The following ZC3H12C variants were observed in gnomAD, a reference collection of about 807,000 sequenced individuals.
ZC3H12C encodes the protein zinc finger CCCH-type containing 12C, also known as probable ribonuclease ZC3H12C.
A neutral mutation model predicts 76.3 loss-of-function variants in ZC3H12C; 20 were observed. That is an observed-to-expected ratio of 0.26 (90% confidence interval 0.18 to 0.38). The LOEUF (loss-of-function observed/expected upper bound fraction) is 0.38. Among genes scored for constraint, ZC3H12C ranks in the 10% least tolerant of loss-of-function variants. ZC3H12C has a pLI of 1.00. For synonymous variants in ZC3H12C, 352 were observed against 399.6 expected (o/e 0.88, Z 1.42); for missense variants, 874 against 1,086.5 (o/e 0.80, Z 2.75).
At position 110,164,348 on chromosome 11, in the gene ZC3H12C, G is replaced by A. The variant is rs1337483893; in HGVS notation, c.1263G>A (p.Lys421=). 6.2e-7 allele frequency: 1 copy of A among 1,607,808 alleles called. No individual in the cohort carries two copies. Among genetic ancestry groups the A allele is most frequent in the Non-Finnish European group, 8.5e-7 (1 of 1,177,238 alleles). ...TAATTTTACTCTTCTTAGGAAAGAA[G>A]TGTACCTATGGACACAAGTGCAAAT... ...HKKQPCPYGK[K]CTYGHKCKYY... is the part of the protein sequence containing the mutation. Residue 421 remains lysine (K), a synonymous_variant, in exon 6 of 6, where the codon AAG becomes AAA. Transcript: ENST00000278590. The surrounding 1 kb of genome is among the most constrained non-coding windows in gnomAD (Gnocchi z 5.7).
intron 2 of ZC3H12C, 50 bp downstream of exon 2, chr11:110,137,464 G>T (rs1315136670): frequency 1.3e-6 from 2 of 1,509,232 alleles, no homozygotes; most frequent in Non-Finnish European, 1.8e-6. Context: ...ATCTTTAAAA[G>T]CCTTATTTCT....
In ZC3H12C at chr11:110,134,894, T is replaced by G. The variant is rs554168890; in HGVS notation, c.22-1769T>G. Among the ~76,000 whole-genome samples, 12 of 152,344 alleles carry G rather than the reference T, an allele frequency of 7.9e-5. No homozygotes were observed. The South Asian group carries it at 2.3e-3, about 29-fold the overall frequency. On this transcript the variant is annotated intron_variant, in intron 1 of 5. Coordinates refer to ENST00000278590, the MANE Select transcript of ZC3H12C (RefSeq NM_033390.2). ...GTATTATCAAGCTGAAGATTCCATG[T>G]TCTCTTCTCTAGTATTTACCATAGT... is the stretch of plus-strand genomic sequence containing the variant.
intron 2 of ZC3H12C, among the ~76,000 whole-genome samples, chr11:110,150,712 A>G (rs752157728): frequency 3.9e-5 from 6 of 152,088 alleles, no homozygotes; most frequent in Non-Finnish European, 7.4e-5. Context: ...CCAGTTATCT[A>G]TATCCTTATT....
Position 110,171,025 on chromosome 11 carries a change from T to C in ZC3H12C, c.*5288T>C, listed in dbSNP as rs1247789144. On this transcript the variant is annotated 3_prime_UTR_variant, in exon 6 of 6. Coordinates refer to ENST00000278590, the MANE Select transcript of ZC3H12C (RefSeq NM_033390.2). ...CAGTAGAAAATGTGCATGTTTTAAC[T>C]TGGTTTTATAAAATCTGTAATGTTT... 2 of 152,250 alleles carry C rather than the reference T, an allele frequency of 1.3e-5. No homozygotes were observed. Among genetic ancestry groups the C allele is most frequent in the African/African-American group, 4.8e-5 (2 of 41,472 alleles). 9.4% of individuals were successfully genotyped at this position (152,250 alleles called of 1,614,324 possible). A position where few individuals can be genotyped will look rare whatever the true frequency, so the allele number is the denominator to read the frequency against.
At chr11:110,156,459 T>C (rs1862378754) in intron 3 of ZC3H12C, among the ~76,000 whole-genome samples, 1 of 152,180 alleles carries the variant, frequency 6.6e-6, no homozygotes, top group Non-Finnish European at 1.5e-5. Context: ...TCAGGATTAT[T>C]TATGTCATCC....
chr11:110,141,172 A>G (rs550090962), intron 2 of ZC3H12C, among the ~76,000 whole-genome samples: 2 of 152,318 alleles, frequency 1.3e-5, no homozygotes, highest in East Asian at 3.9e-4. Flanking sequence ...TAAAAAAAGC[A>G]CTGCAGGTAA....
chr11:110,134,590 C>A (rs1224148115), intron 1 of ZC3H12C, among the ~76,000 whole-genome samples: 1 of 152,072 alleles, frequency 6.6e-6, no homozygotes, highest in Non-Finnish European at 1.5e-5. Flanking sequence ...TTCCTTCCTT[C>A]AATTCTAAGT....
intron 1 of ZC3H12C, among the ~76,000 whole-genome samples, chr11:110,132,929 C>A (rs894461400): frequency 6.6e-6 from 1 of 152,010 alleles, no homozygotes; most frequent in Non-Finnish European, 1.5e-5. Context: ...CTTTTCCGTT[C>A]TTTTAAAAGT....
chr11:110,163,346 G>T lies in ZC3H12C; in HGVS notation c.1222G>T (p.Val408Phe). 4 of 1,612,708 alleles carry T rather than the reference G, an allele frequency of 2.5e-6. No individual in the cohort carries two copies. The highest frequency in any genetic ancestry group is 3.4e-6 in the Non-Finnish European group (4 of 1,179,442). Residue 408 changes from valine (V) to phenylalanine (F), a missense_variant, in exon 5 of 6, where the codon GTT (valine) becomes TTT (phenylalanine). Coordinates refer to ENST00000278590, the MANE Select transcript of ZC3H12C (RefSeq NM_033390.2). Reference protein sequence around the residue: ...LDNFLRKKPIVPEHKKQPCPY... With the variant: ...LDNFLRKKPIFPEHKKQPCPY... ...TAATTTTCTGAGGAAGAAACCTATT[G>T]TTCCTGAACACAAAAAGCAGCCTTG... is the stretch of plus-strand genomic sequence containing the variant.
intron 3 of ZC3H12C, among the ~76,000 whole-genome samples, chr11:110,153,615 T>C (rs1042986673): frequency 3.9e-5 from 6 of 152,136 alleles, no homozygotes; most frequent in African/African-American, 7.2e-5. Flanking sequence ...TTCTGACCTT[T>C]AGAGAGATGC....
intron 1 of ZC3H12C, among the ~76,000 whole-genome samples, chr11:110,099,489 A>T (rs1048047831): frequency 6.6e-6 from 1 of 152,198 alleles, no homozygotes; most frequent in African/African-American, 2.4e-5. Flanking sequence ...CAAGCTGGTT[A>T]AGAAAAGCAA....
chr11:110,107,442 G>A (rs1176883680), intron 1 of ZC3H12C, among the ~76,000 whole-genome samples: 1 of 152,040 alleles, frequency 6.6e-6, no homozygotes, highest in Non-Finnish European at 1.5e-5. Flanking sequence ...GAGTACAATG[G>A]CATGATCTCA....
At chr11:110,139,583 CTT>C (rs1862032557) in intron 2 of ZC3H12C, among the ~76,000 whole-genome samples, 1 of 152,144 alleles carries the variant, frequency 6.6e-6, no homozygotes, top group Non-Finnish European at 1.5e-5. Flanking sequence ...AAGATTACCT[CTT>C]GTTTGATCTT....
intron 2 of ZC3H12C, among the ~76,000 whole-genome samples, chr11:110,150,299 A>T (rs1459415956): frequency 6.6e-6 from 1 of 152,070 alleles, no homozygotes; most frequent in Non-Finnish European, 1.5e-5. Context: ...CCATAAAAAT[A>T]GTATATTGTT....
chr11:110,165,687 C>A lies in ZC3H12C; in HGVS notation c.2602C>A (p.Gln868Lys). 1 of 1,596,264 alleles carries A rather than the reference C, an allele frequency of 6.3e-7. No individual in the cohort carries two copies. The highest frequency in any genetic ancestry group is 1.1e-5 in the South Asian group (1 of 87,926). ...AAGGAATCCTCACATGACAGACGCC[C>A]AGCAGCTCGCCGCAGCCATTTTAGT... is the stretch of plus-strand genomic sequence containing the variant. ...MKRNPHMTDA[Q>K]QLAAAILVEK... The change falls in exon 6 of 6, where the codon CAG becomes AAG. Residue 868 changes from glutamine (Q) to lysine (K), a missense_variant. Physicochemically the swap from Gln to Lys is moderately conservative, Grantham distance 53. This residue lies in a region of ZC3H12C where 395 missense variants were observed against 434.4 expected (regional missense o/e 0.91). Transcript: ENST00000278590.
chr11:110,101,693 C>A (rs1309466960), intron 1 of ZC3H12C, among the ~76,000 whole-genome samples: 3 of 151,898 alleles, frequency 2.0e-5, no homozygotes, highest in East Asian at 1.9e-4. Context: ...GACTACAGGC[C>A]CGCGCCACCA....
chr11:110,154,854 T>C (rs1373399191), intron 3 of ZC3H12C, among the ~76,000 whole-genome samples: 1 of 45,264 alleles, frequency 2.2e-5, no homozygotes, highest in African/African-American at 5.9e-5. Flanking sequence ...AAAAAAAAAC[T>C]TCTTTCCAGT....
intron 1 of ZC3H12C, among the ~76,000 whole-genome samples, chr11:110,123,116 CTG>C (rs1861679717): frequency 6.6e-6 from 1 of 152,170 alleles, no homozygotes; most frequent in Admixed American, 6.5e-5. Flanking sequence ...CCATAGTTGA[CTG>C]TGGGTAACTG....
chr11:110,155,298 CAAA>C (rs5794672), intron 3 of ZC3H12C, among the ~76,000 whole-genome samples: 7 of 141,054 alleles, frequency 5.0e-5, no homozygotes, highest in Non-Finnish European at 1.5e-5. Context: ...GACTCCATCT[CAAA>C]AAAAAAAAAA....
Sources: gnomAD v4.1 joint callset for allele counts (sites outside exome capture counted in the v4.1 genomes callset) on GRCh38, gnomAD v4.1.1 for gene constraint, gnomAD v4.1.1 regional missense constraint, Gnocchi (gnomAD v3.1) non-coding constraint, MANE v1.5 for transcripts, NCBI Gene and HGNC (gene_info 2026-07-23, HGNC 2026-07-21) for gene names.